BRIP1: variants seen among roughly 807,000 people sequenced by gnomAD.
BRIP1 encodes the protein BRCA1 interacting DNA helicase 1, also known as Fanconi anemia group J protein.
A neutral mutation model predicts 119.7 loss-of-function variants in BRIP1; 88 were observed. The ratio of observed to expected loss-of-function variants is 0.74; its 90% CI spans 0.62 to 0.88. BRIP1 has a LOEUF of 0.88. BRIP1 is among the 40% of genes least tolerant of loss of function. The pLI is 0.00. For synonymous variants in BRIP1, 443 were observed against 496.5 expected, an observed-to-expected ratio of 0.89 and a Z score of 1.43; for missense variants, 1,259 against 1,455.4, an observed-to-expected ratio of 0.87 and a Z score of 2.20.
rs1372777685 is a variant in BRIP1, at chr17:61,720,803, G to GA, written c.2380-4741dup. 4.6e-5 allele frequency among the ~76,000 whole-genome samples: 7 copies of GA among 151,938 alleles called. No homozygotes were observed. The highest frequency in any genetic ancestry group is 4.4e-5 in the Non-Finnish European group (3 of 67,980). ...TTTACTAAATTGTAAACCTACTCAA[G>GA]AAAAAACAAAGTATTTTCCGTGTAC... On this transcript the variant is annotated intron_variant, in intron 16 of 19. Transcript: ENST00000259008. The surrounding 1 kb of genome is among the most constrained non-coding windows in gnomAD (Gnocchi z 4.3).
intron 10 of BRIP1, among the ~76,000 whole-genome samples, chr17:61,790,783 C>T (rs950033795): frequency 2.0e-5 from 3 of 151,604 alleles, no homozygotes; most frequent in Non-Finnish European, 4.4e-5. Flanking sequence ...GGGACTACAG[C>T]GCATGCCACC....
At chr17:61,737,637 A>G (rs921100354) in intron 16 of BRIP1, among the ~76,000 whole-genome samples, 1 of 152,318 alleles carries the variant, frequency 6.6e-6, no homozygotes, top group South Asian at 2.1e-4. Flanking sequence ...AAATGTTAAG[A>G]AATCACCCAT....
chr17:61,807,956 T>C lies in BRIP1; in HGVS notation c.918+511A>G, dbSNP rs1484783459. ...ACCAATGACATCTTTTGAAAGTTAA[T>C]AATTTAGTATAACTTTTAAAAGAGG... On this transcript the variant is annotated intron_variant, in intron 7 of 19. Transcript: ENST00000259008. This position sits in a 1 kb window ranked among gnomAD's most constrained non-coding sequence, Gnocchi z 4.5. Among the ~76,000 whole-genome samples, 2 of 152,138 alleles carry C rather than the reference T, an allele frequency of 1.3e-5. No homozygotes were observed. The highest frequency in any genetic ancestry group is 6.6e-5 in the Admixed American group (1 of 15,266).
intron 14 of BRIP1, among the ~76,000 whole-genome samples, chr17:61,772,782 C>T (rs1210687121): frequency 1.5e-5 from 2 of 137,680 alleles, no homozygotes; most frequent in Non-Finnish European, 3.0e-5. Context: ...CACACCATTG[C>T]ACTCCAGACT....
intron 14 of BRIP1, among the ~76,000 whole-genome samples, chr17:61,772,913 A>T (rs1434127932): frequency 1.3e-5 from 2 of 151,784 alleles, no homozygotes; most frequent in African/African-American, 2.4e-5. Flanking sequence ...TAAATCAAAG[A>T]CCTGCGAAGC....
rs2076893680 is a variant in BRIP1, at chr17:61,734,623, C to G, written c.2379+8390G>C. 6.6e-6 allele frequency among the ~76,000 whole-genome samples: 1 copy of G among 152,140 alleles called. No individual in the cohort carries two copies. Among genetic ancestry groups the G allele is most frequent in the African/African-American group, 2.4e-5 (1 of 41,456 alleles). On this transcript the variant is annotated intron_variant, in intron 16 of 19. Transcript: ENST00000259008. The surrounding 1 kb of genome is among the most constrained non-coding windows in gnomAD (Gnocchi z 5.2). ...ACACTTGGCTCCAAAATGAAATTTTCCTACCTCTACTTTCTAGTCCCTAAG... is the reference window on the plus strand; with the variant it reads ...ACACTTGGCTCCAAAATGAAATTTTGCTACCTCTACTTTCTAGTCCCTAAG...
rs999272004 is a variant in BRIP1 at position 61,816,870 on chromosome 17, A to T, written c.628-8113T>A. Among the ~76,000 whole-genome samples, 7 of 152,238 alleles carry T rather than the reference A, an allele frequency of 4.6e-5. No homozygotes were observed. Among genetic ancestry groups the T allele is most frequent in the Non-Finnish European group, 7.3e-5 (5 of 68,042 alleles). On this transcript the variant is annotated intron_variant, in intron 6 of 19. Coordinates refer to ENST00000259008, the MANE Select transcript of BRIP1 (RefSeq NM_032043.3). The surrounding 1 kb of genome is among the most constrained non-coding windows in gnomAD (Gnocchi z 5.0). ...ATTGTAAATAAAATGATAGAATTTT[A>T]AAAATCACCATTTTGCAACTTTCCT...
In BRIP1 at chr17:61,857,391, T is replaced by C. The variant is rs529672318; in HGVS notation, c.206-160A>G. ...TGGCAAACCTGGACAAGCTGGTCAC[T>C]TTATCTGCAGCATCAAATTAGGACA... On this transcript the variant is annotated intron_variant, in intron 3 of 19. Coordinates refer to ENST00000259008, the MANE Select transcript of BRIP1 (RefSeq NM_032043.3). The surrounding 1 kb of genome is among the most constrained non-coding windows in gnomAD (Gnocchi z 5.1). Among the ~76,000 whole-genome samples the C allele has an allele frequency of 2.0e-5, 3 of 152,316 alleles. No individual in the cohort carries two copies. Among genetic ancestry groups the C allele is most frequent in the Non-Finnish European group, 2.9e-5 (2 of 68,030 alleles).
In BRIP1 at chr17:61,683,615, T is replaced by C. The variant is rs774605759; in HGVS notation, c.3431A>G (p.Glu1144Gly). The change falls in exon 20 of 20, where the codon GAA (glutamate) becomes GGA (glycine). Residue 1144 changes from glutamate to glycine, a missense_variant. Transcript: ENST00000259008. The surrounding 1 kb of genome is among the most constrained non-coding windows in gnomAD (Gnocchi z 4.7). ...PELYDPEDTD[E>G]EKNDLAETDR... ...AGTTTCAGCTAGGTCATTTTTTTCT[T>C]CATCTGTATCTTCAGGATCATAAAG... 3.0e-5 allele frequency: 48 copies of C among 1,612,086 alleles called. No individual in the cohort carries two copies. In the South Asian group the frequency reaches 5.3e-4, roughly 18 times the overall value.
rs75506838 is a variant in BRIP1 at position 61,836,872 on chromosome 17, T to C, written c.627+10229A>G. 8.1e-3 allele frequency among the ~76,000 whole-genome samples: 1,235 copies of C among 152,314 alleles called. 50 individuals are homozygous for C. The East Asian group carries it at 0.12, about 15-fold the overall frequency. On this transcript the variant is annotated intron_variant, in intron 6 of 19. Transcript: ENST00000259008. ...AATGAACTGTCATCAAAAAGTCATCTGGAAGAGTTTATTCAGAGACAGAAT... is the reference window on the plus strand; with the variant it reads ...AATGAACTGTCATCAAAAAGTCATCCGGAAGAGTTTATTCAGAGACAGAAT...
At chr17:61,750,107 C>G (rs35968188) in intron 14 of BRIP1, among the ~76,000 whole-genome samples, 39,248 of 152,026 alleles carry the variant, frequency 0.26, 6,267 homozygotes, top group Non-Finnish European at 0.36. Flanking sequence ...TGTTTCTGAT[C>G]TTAGAGGAAA....
In BRIP1 at chr17:61,679,766, G is replaced by A. The variant is rs1366966906; in HGVS notation, c.*3530C>T. 6.6e-6 allele frequency among the ~76,000 whole-genome samples: 1 copy of A among 152,108 alleles called. No individual in the cohort carries two copies. The highest frequency in any genetic ancestry group is 1.5e-5 in the Non-Finnish European group (1 of 68,010). ...GGTGCTCTTTTAAAAGCATTTAGAT[G>A]TTTTAACTTATTTAAATCTGTAAAC... On this transcript the variant is annotated 3_prime_UTR_variant, in exon 20 of 20. Coordinates refer to ENST00000259008, the MANE Select transcript of BRIP1 (RefSeq NM_032043.3). The surrounding 1 kb of genome is among the most constrained non-coding windows in gnomAD (Gnocchi z 4.4).
rs918147849 is a variant in BRIP1, at chr17:61,852,908, G to C, written c.380-3652C>G. Among the ~76,000 whole-genome samples, 2 of 151,982 alleles carry C rather than the reference G, an allele frequency of 1.3e-5. No individual in the cohort carries two copies. Among genetic ancestry groups the C allele is most frequent in the East Asian group, 3.9e-4 (2 of 5,192 alleles). ...GGGTTGGAGGGATCTGACCGGGGAC[G>C]CATAAATTGATTCAACCACTTTAGA... On this transcript the variant is annotated intron_variant, in intron 4 of 19. Transcript: ENST00000259008. This position sits in a 1 kb window ranked among gnomAD's most constrained non-coding sequence, Gnocchi z 4.9.
Position 61,805,875 on chromosome 17 carries a change from TAA to T in BRIP1, c.918+2590_918+2591del, listed in dbSNP as rs933363112. Among the ~76,000 whole-genome samples, 8 of 152,220 alleles carry T rather than the reference TAA, an allele frequency of 5.3e-5. No homozygotes were observed. The highest frequency in any genetic ancestry group is 1.0e-4 in the Non-Finnish European group (7 of 68,036). On this transcript the variant is annotated intron_variant, in intron 7 of 19. Coordinates refer to ENST00000259008, the MANE Select transcript of BRIP1 (RefSeq NM_032043.3). This position sits in a 1 kb window ranked among gnomAD's most constrained non-coding sequence, Gnocchi z 5.6. ...TTTAGAATCTATGACTATGAGCTAT[TAA>T]GTCTCATTTTAACCAAAAAAAGATA...
intron 17 of BRIP1, among the ~76,000 whole-genome samples, chr17:61,694,954 T>G (rs879535026): frequency 2.6e-5 from 4 of 151,434 alleles, no homozygotes; most frequent in Non-Finnish European, 1.5e-5. Context: ...TACAAATATT[T>G]TCTCCATATG....
rs1460161679 is a variant in BRIP1 at position 61,793,418 on chromosome 17, C to T, written c.1473+179G>A. ...AAACTAAATAATGCTATATTTTCAC[C>T]CACAATTTACCCATGCCATCACTTA... is the stretch of plus-strand genomic sequence containing the variant. On this transcript the variant is annotated intron_variant, in intron 10 of 19. Coordinates refer to ENST00000259008, the MANE Select transcript of BRIP1 (RefSeq NM_032043.3). The surrounding 1 kb of genome is among the most constrained non-coding windows in gnomAD (Gnocchi z 5.2). 6.6e-6 allele frequency among the ~76,000 whole-genome samples: 1 copy of T among 151,932 alleles called. No homozygotes were observed. The highest frequency in any genetic ancestry group is 1.5e-5 in the Non-Finnish European group (1 of 67,946).
Position 61,804,440 on chromosome 17 carries a change from G to A in BRIP1, c.919-2966C>T, listed in dbSNP as rs1255999039. The stretch of plus-strand genomic sequence containing the variant: ...TGTGTGTGTGTGTGTGTGTGTGTGT[G>A]TGTGTGTATGTGTGTGTACATACAC... On this transcript the variant is annotated intron_variant, in intron 7 of 19. Transcript: ENST00000259008. The surrounding 1 kb of genome is among the most constrained non-coding windows in gnomAD (Gnocchi z 4.5). Among the ~76,000 whole-genome samples, 2 of 127,198 alleles carry A rather than the reference G, an allele frequency of 1.6e-5. No individual in the cohort carries two copies. Among genetic ancestry groups the A allele is most frequent in the African/African-American group, 6.6e-5 (2 of 30,132 alleles). 83.4% of individuals were successfully genotyped at this position (127,198 alleles called of 152,430 possible).
In BRIP1 at chr17:61,699,689, G is replaced by A. The variant is rs2061583254; in HGVS notation, c.2493-6177C>T. Among the ~76,000 whole-genome samples, 1 of 152,164 alleles carries A rather than the reference G, an allele frequency of 6.6e-6. No homozygotes were observed. Among genetic ancestry groups the A allele is most frequent in the Admixed American group, 6.5e-5 (1 of 15,274 alleles). ...AAGGTCTGTTTAAAGGTGTTCCTGG[G>A]CTGATGAATGAAAACTTAGATTCAG... On this transcript the variant is annotated intron_variant, in intron 17 of 19. Coordinates refer to ENST00000259008, the MANE Select transcript of BRIP1 (RefSeq NM_032043.3). The surrounding 1 kb of genome is among the most constrained non-coding windows in gnomAD (Gnocchi z 4.8).
rs1397869562 is a variant in BRIP1 at position 61,780,507 on chromosome 17, C to T, written c.1795-106G>A. ...CTTTGGGAGGCTGAAGCAGGAAGAT[C>T]GCTTGAGTCTAGGAGTCTGAGACCA... On this transcript the variant is annotated intron_variant, in intron 12 of 19. Coordinates refer to ENST00000259008, the MANE Select transcript of BRIP1 (RefSeq NM_032043.3). The surrounding 1 kb of genome is among the most constrained non-coding windows in gnomAD (Gnocchi z 5.4). 6 of 1,043,674 alleles carry T rather than the reference C, an allele frequency of 5.7e-6. No homozygotes were observed. In the African/African-American group the frequency reaches 6.3e-5, roughly 11 times the overall value. 64.7% of individuals were successfully genotyped at this position (1,043,674 alleles called of 1,614,324 possible). A position where few individuals can be genotyped will look rare whatever the true frequency, so the allele number is the denominator to read the frequency against.
Sources: gnomAD v4.1 joint callset for allele counts (sites outside exome capture counted in the v4.1 genomes callset) on GRCh38, gnomAD v4.1.1 for gene constraint, Gnocchi (gnomAD v3.1) non-coding constraint, MANE v1.5 for transcripts, NCBI Gene and HGNC (gene_info 2026-07-23, HGNC 2026-07-21) for gene names.